FAT3: variants seen among roughly 807,000 people sequenced by gnomAD.
FAT3 encodes FAT atypical cadherin 3.
In FAT3, 95 loss-of-function variants were observed where a neutral mutation model predicts 310.2. The observed-to-expected ratio is 0.31, with a 90% confidence interval of 0.26 to 0.36. The LOEUF (loss-of-function observed/expected upper bound fraction) is 0.36, where lower values mean the gene tolerates loss of function less well. Among genes scored for constraint, FAT3 ranks in the 10% least tolerant of loss-of-function variants. The pLI, the probability that FAT3 is intolerant of heterozygous loss-of-function variation, is 1.00. For missense variants in FAT3, 5,408 were observed against 5,715.6 expected (o/e 0.95, Z 1.74); for synonymous variants, 2,314 against 2,192.9 (o/e 1.06, Z -1.54).
At chr11:92,463,214 AT>A (rs1951678534) in intron 2 of FAT3, among the ~76,000 whole-genome samples, 1 of 152,196 alleles carries the variant, frequency 6.6e-6, no homozygotes, top group Non-Finnish European at 1.5e-5. Context: ...AATTTATATC[AT>A]GTTCCTTGAC....
At chr11:92,618,125 C>A (rs192795433) in intron 3 of FAT3, among the ~76,000 whole-genome samples, 12 of 152,214 alleles carry the variant, frequency 7.9e-5, no homozygotes, top group Non-Finnish European at 1.6e-4. Context: ...CTGCGGTGGG[C>A]TCCACCCAGT....
chr11:92,407,625 C>T (rs974448080), intron 2 of FAT3, among the ~76,000 whole-genome samples: 1 of 151,946 alleles, frequency 6.6e-6, no homozygotes, highest in Admixed American at 6.6e-5. Context: ...AATGTAGGCA[C>T]CTAATTTAAT....
intron 7 of FAT3, among the ~76,000 whole-genome samples, chr11:92,785,542 A>G (rs569063308): frequency 1.3e-5 from 2 of 152,282 alleles, no homozygotes; most frequent in South Asian, 2.1e-4. Context: ...AATTTAATAT[A>G]CAAAAATCAA....
intron 3 of FAT3, among the ~76,000 whole-genome samples, chr11:92,606,708 G>C (rs1940315835): frequency 6.6e-6 from 1 of 152,212 alleles, no homozygotes; most frequent in Non-Finnish European, 1.5e-5. Flanking sequence ...TCAGGAAGCT[G>C]AGACAAAATG....
intron 2 of FAT3, among the ~76,000 whole-genome samples, chr11:92,417,200 C>T (rs187205045): frequency 2.3e-4 from 35 of 152,194 alleles, no homozygotes; most frequent in Non-Finnish European, 4.4e-4. Flanking sequence ...AAATGCTAAC[C>T]TATTATGCAA....
chr11:92,262,427 A>G (rs1344022862), intron 1 of FAT3, among the ~76,000 whole-genome samples: 3 of 152,056 alleles, frequency 2.0e-5, no homozygotes, highest in Non-Finnish European at 4.4e-5. Flanking sequence ...AAGCTTTCCC[A>G]TTGGCTGAAG....
intron 6 of FAT3, among the ~76,000 whole-genome samples, chr11:92,770,523 C>A (rs1946431093): frequency 6.6e-6 from 1 of 152,096 alleles, no homozygotes. Context: ...GGTGTACATG[C>A]GGAACCTGAA....
chr11:92,788,715 G>T (rs1184614114), intron 7 of FAT3, among the ~76,000 whole-genome samples: 1 of 152,080 alleles, frequency 6.6e-6, no homozygotes, highest in African/African-American at 2.4e-5. Flanking sequence ...TTGAACCTTA[G>T]CAAGCCTTTT....
At chr11:92,672,801 T>C (rs1943173228) in intron 3 of FAT3, among the ~76,000 whole-genome samples, 1 of 151,910 alleles carries the variant, frequency 6.6e-6, no homozygotes, top group East Asian at 1.9e-4. Context: ...AGAACAGGAG[T>C]AGATTTTCTT....
chr11:92,359,085 C>T (rs1294043490), intron 2 of FAT3, among the ~76,000 whole-genome samples: 3 of 152,100 alleles, frequency 2.0e-5, no homozygotes, highest in African/African-American at 4.8e-5. Flanking sequence ...TCCCAATTAT[C>T]GTCATTCAGT....
chr11:92,503,733 G>A (rs1307611668), intron 2 of FAT3, among the ~76,000 whole-genome samples: 2 of 139,148 alleles, frequency 1.4e-5, no homozygotes, highest in African/African-American at 5.1e-5. Flanking sequence ...AAATACACAT[G>A]TCTGGTCTAT....
Position 92,800,933 on chromosome 11 carries a change from T to C in FAT3, c.7920T>C (p.Tyr2640=). 6.2e-7 allele frequency: 1 copy of C among 1,612,682 alleles called. No homozygotes were observed. The highest frequency in any genetic ancestry group is 8.5e-7 in the Non-Finnish European group (1 of 1,179,378). Residue 2640 remains tyrosine, a synonymous_variant, in exon 10 of 28, where the codon TAT becomes TAC. Coordinates refer to ENST00000525166, the MANE Select transcript of FAT3 (RefSeq NM_001367949.2). The part of the protein sequence containing the change: ...GANSRITYSL[Y]SEASVSVADL... The stretch of plus-strand genomic sequence containing the variant: ...ATTCAAGGATTACTTATTCCCTCTA[T>C]AGCGAGGCCTCTGTTTCAGTGGCCG...
intron 1 of FAT3, among the ~76,000 whole-genome samples, chr11:92,229,639 A>T (rs1472989901): frequency 6.7e-5 from 10 of 149,924 alleles, no homozygotes; most frequent in Non-Finnish European, 1.3e-4. Context: ...CATATTTGAC[A>T]CTTGTCTAGT....
At chr11:92,413,876 C>G (rs1039369879) in intron 2 of FAT3, among the ~76,000 whole-genome samples, 2 of 152,256 alleles carry the variant, frequency 1.3e-5, no homozygotes, top group Admixed American at 1.3e-4. Context: ...AGTCCTCTCA[C>G]GAAACAGACA....
At chr11:92,862,087 T>C (rs1389049934) in intron 21 of FAT3, among the ~76,000 whole-genome samples, 2 of 152,200 alleles carry the variant, frequency 1.3e-5, no homozygotes, top group East Asian at 3.8e-4. Context: ...ACCATAAGCA[T>C]CCAAATGCAA....
chr11:92,381,325 C>G (rs1337433606), intron 2 of FAT3, among the ~76,000 whole-genome samples: 2 of 152,086 alleles, frequency 1.3e-5, no homozygotes, highest in Admixed American at 6.6e-5. Flanking sequence ...TCTAGCCTAG[C>G]CAACATGGTG....
chr11:92,877,098 A>C lies in FAT3; in HGVS notation c.12128-3633A>C, dbSNP rs774626556. On this transcript the variant is annotated intron_variant, in intron 22 of 27. Transcript: ENST00000525166. ...AGAAGTGAGGAGAATAGGGAAGTAGACAACACCAACACAGGTTTGGAGGTG... is the reference window on the plus strand; with the variant it reads ...AGAAGTGAGGAGAATAGGGAAGTAGCCAACACCAACACAGGTTTGGAGGTG... Among the ~76,000 whole-genome samples the C allele has an allele frequency of 6.4e-4, 98 of 152,208 alleles. 1 individual carries two copies. Among genetic ancestry groups the C allele is most frequent in the Non-Finnish European group, 1.3e-3 (87 of 68,044 alleles).
chr11:92,697,284 A>C, intron 3 of FAT3, 100 bp from the exon 4 acceptor site: 22 of 938,950 alleles, frequency 2.3e-5, no homozygotes, highest in Non-Finnish European at 3.6e-5. Flanking sequence ...TTACAGTTCC[A>C]TACCACTTTT....
intron 3 of FAT3, among the ~76,000 whole-genome samples, chr11:92,547,296 A>G (rs1370895957): frequency 6.6e-6 from 1 of 152,168 alleles, no homozygotes; most frequent in Non-Finnish European, 1.5e-5. Context: ...GAGACTCTAC[A>G]AAGTACTGTT....
Sources: gnomAD v4.1 joint callset for allele counts (sites outside exome capture counted in the v4.1 genomes callset) on GRCh38, gnomAD v4.1.1 for gene constraint, MANE v1.5 for transcripts, NCBI Gene and HGNC (gene_info 2026-07-23, HGNC 2026-07-21) for gene names.